The following LMBR1 variants were observed in gnomAD, a reference collection of about 807,000 sequenced individuals.
LMBR1 encodes the protein limb development membrane protein 1, also known as limb region 1 protein homolog.
In LMBR1, 52 loss-of-function variants were observed where a neutral mutation model predicts 73.9. That is an observed-to-expected ratio of 0.70 (90% confidence interval 0.56 to 0.89). The LOEUF (loss-of-function observed/expected upper bound fraction) is 0.89. Ranked by LOEUF, LMBR1 falls within the 40% of genes least tolerant of loss-of-function variation. LMBR1 has a pLI of 0.00. For synonymous variants in LMBR1, 215 were observed against 209.4 expected, an observed-to-expected ratio of 1.03 and a Z score of -0.23; for missense variants, 539 against 579.8, an observed-to-expected ratio of 0.93 and a Z score of 0.72.
At chr7:156,884,784 A>G (rs369590029) in intron 1 of LMBR1, among the ~76,000 whole-genome samples, 1 of 152,236 alleles carries the variant, frequency 6.6e-6, no homozygotes, top group Non-Finnish European at 1.5e-5. Flanking sequence ...ACAGACTCCA[A>G]GATAACTGCA....
At chr7:156,840,725 C>T (rs1043727059) in intron 1 of LMBR1, among the ~76,000 whole-genome samples, 3 of 151,148 alleles carry the variant, frequency 2.0e-5, no homozygotes, top group Admixed American at 6.6e-5. Flanking sequence ...TTTGGGAGGC[C>T]GAGGCGGGTG....
chr7:156,702,005 C>T (rs1809849935), intron 15 of LMBR1, among the ~76,000 whole-genome samples: 1 of 152,204 alleles, frequency 6.6e-6, no homozygotes, highest in African/African-American at 2.4e-5. Context: ...ATATGTACCA[C>T]ATTTTCTTTA....
intron 15 of LMBR1, among the ~76,000 whole-genome samples, chr7:156,721,363 A>G (rs1814528457): frequency 6.6e-6 from 1 of 152,148 alleles, no homozygotes; most frequent in African/African-American, 2.4e-5. Context: ...ATAATAAAGA[A>G]CATATCAGCA....
At chr7:156,873,385 C>T (rs576194456) in intron 1 of LMBR1, among the ~76,000 whole-genome samples, 5 of 152,222 alleles carry the variant, frequency 3.3e-5, no homozygotes, top group South Asian at 4.2e-4. Flanking sequence ...ATAAAAGCAG[C>T]GTGGACCCAA....
intron 10 of LMBR1, chr7:156,733,944 T>G (rs1033530938): frequency 9.2e-6 from 3 of 327,836 alleles, no homozygotes; most frequent in African/African-American, 2.1e-5. Context: ...GCAACATCTT[T>G]GAACCTGTGA....
chr7:156,692,357 G>C (rs541542496), intron 15 of LMBR1, among the ~76,000 whole-genome samples: 1 of 152,168 alleles, frequency 6.6e-6, no homozygotes, highest in Non-Finnish European at 1.5e-5. Flanking sequence ...GATTACAGGC[G>C]TGAGCCACTG....
rs1816104559 is a variant in LMBR1 at position 156,727,987 on chromosome 7, C to T, written c.936G>A (p.Val312=). Residue 312 remains valine (V), a synonymous_variant, in exon 12 of 17, where the codon GTG becomes GTA. Coordinates refer to ENST00000353442, the MANE Select transcript of LMBR1 (RefSeq NM_022458.4). ...CCAATAGGCAAAGAATATTACAAGC[C>T]ACCAAGAGGACCGAGATGGACTACA... is the stretch of plus-strand genomic sequence containing the variant. The part of the protein sequence containing the change: ...LIETSISVLL[V]ACNILCLLVD... 1.9e-6 allele frequency: 3 copies of T among 1,613,148 alleles called. No homozygotes were observed. Among genetic ancestry groups the T allele is most frequent in the South Asian group, 1.1e-5 (1 of 90,982 alleles).
Position 156,679,220 on chromosome 7 carries a change from G to A in LMBR1, c.*4858C>T, listed in dbSNP as rs574619015. The A allele has an allele frequency of 1.4e-4, 22 of 152,200 alleles. No individual in the cohort carries two copies. Among genetic ancestry groups the A allele is most frequent in the African/African-American group, 5.1e-4 (21 of 41,510 alleles). 9.4% of individuals were successfully genotyped at this position (152,200 alleles called of 1,614,324 possible). A position where few individuals can be genotyped will look rare whatever the true frequency, so the allele number is the denominator to read the frequency against. On this transcript the variant is annotated 3_prime_UTR_variant, in exon 17 of 17. Transcript: ENST00000353442. ...GTGGTCCTGGGGGTGACTGTGGGAC[G>A]ACAAAGAACTCGACCCTCCACACCA...
At chr7:156,676,237 A>G (rs1803972722), downstream of LMBR1, 5 of 1,360,508 alleles carry the variant, frequency 3.7e-6, no homozygotes, top group Non-Finnish European at 4.9e-6. Flanking sequence ...AACAGAGTAT[A>G]TGTGTGTGTA....
At chr7:156,816,171 TA>T (rs1833885824) in intron 4 of LMBR1, among the ~76,000 whole-genome samples, 2 of 152,124 alleles carry the variant, frequency 1.3e-5, no homozygotes, top group Non-Finnish European at 2.9e-5. Flanking sequence ...TATCAAAAGC[TA>T]AATGAAAAAA....
chr7:156,756,540 G>A, intron 8 of LMBR1, 75 bp from the exon 9 acceptor site: 1 of 740,506 alleles, frequency 1.4e-6, no homozygotes, highest in East Asian at 2.6e-5. Context: ...TAGGCTATTT[G>A]GTCAATTTAT....
chr7:156,808,765 A>G (rs770762609), intron 4 of LMBR1, among the ~76,000 whole-genome samples: 12 of 152,122 alleles, frequency 7.9e-5, no homozygotes, highest in Non-Finnish European at 1.8e-4. Context: ...GGTTTATCAT[A>G]TACGCCTTTA....
intron 4 of LMBR1, among the ~76,000 whole-genome samples, chr7:156,807,936 G>A (rs1832429522): frequency 6.6e-6 from 1 of 151,948 alleles, no homozygotes; most frequent in African/African-American, 2.4e-5. Context: ...TTGTTTCTAG[G>A]TAAGTTTTCT....
intron 1 of LMBR1, among the ~76,000 whole-genome samples, chr7:156,868,305 T>C (rs1246165148): frequency 6.6e-6 from 1 of 151,450 alleles, no homozygotes; most frequent in Non-Finnish European, 1.5e-5. Flanking sequence ...GTAATTCTCC[T>C]GCCTTAGCTT....
intron 1 of LMBR1, among the ~76,000 whole-genome samples, chr7:156,869,900 C>G (rs1418997826): frequency 1.3e-5 from 2 of 152,004 alleles, no homozygotes; most frequent in Non-Finnish European, 2.9e-5. Context: ...TTCATCATTT[C>G]TCATTATAAA....
chr7:156,761,195 G>A (rs1441390474), intron 8 of LMBR1, among the ~76,000 whole-genome samples: 2 of 152,188 alleles, frequency 1.3e-5, no homozygotes, highest in Non-Finnish European at 2.9e-5. Flanking sequence ...GCTGTGAAAG[G>A]CTTTGTAACA....
intron 15 of LMBR1, among the ~76,000 whole-genome samples, chr7:156,721,692 C>CT (rs1814618351): frequency 6.7e-6 from 1 of 149,250 alleles, no homozygotes; most frequent in Non-Finnish European, 1.5e-5. Flanking sequence ...ACTACAGATT[C>CT]TTTGTGTTTC....
chr7:156,840,596 T>C (rs537989448), intron 1 of LMBR1, among the ~76,000 whole-genome samples: 1 of 152,088 alleles, frequency 6.6e-6, no homozygotes, highest in East Asian at 1.9e-4. Flanking sequence ...AGAATTCCAC[T>C]GTAGGATTCT....
chr7:156,771,015 A>T (rs566869181), intron 5 of LMBR1, among the ~76,000 whole-genome samples: 1 of 152,308 alleles, frequency 6.6e-6, no homozygotes, highest in Non-Finnish European at 1.5e-5. Flanking sequence ...TCAGAATTCA[A>T]AAGAATTCTG....
Sources: gnomAD v4.1 joint callset for allele counts (sites outside exome capture counted in the v4.1 genomes callset) on GRCh38, gnomAD v4.1.1 for gene constraint, MANE v1.5 for transcripts, NCBI Gene and HGNC (gene_info 2026-07-23, HGNC 2026-07-21) for gene names.